The following TTC21B variants were observed in gnomAD, a reference collection of about 807,000 sequenced individuals.
TTC21B encodes tetratricopeptide repeat domain 21B.
Under a neutral mutation model 175.1 loss-of-function variants are expected in TTC21B, and 127 were observed. That is an observed-to-expected ratio of 0.73 (90% CI 0.63 to 0.84). The LOEUF is 0.84. Among genes scored for constraint, TTC21B ranks in the 40% least tolerant of loss-of-function variants. TTC21B has a pLI of 0.00. For synonymous variants in TTC21B, 524 were observed against 524.5 expected (o/e 1.00, Z 0.01); for missense variants, 1,561 against 1,558.3 (o/e 1.00, Z -0.03).
intron 26 of TTC21B, among the ~76,000 whole-genome samples, chr2:165,883,185 CA>C (rs199690780): frequency 0.018 from 2,756 of 151,902 alleles, 117 homozygotes; most frequent in Admixed American, 0.099. Context: ...TATTTCTCAA[CA>C]AAAAAATAAA....
intron 12 of TTC21B, among the ~76,000 whole-genome samples, chr2:165,923,123 A>T (rs894552205): frequency 6.6e-6 from 1 of 152,172 alleles, no homozygotes; most frequent in African/African-American, 2.4e-5. Flanking sequence ...AGAAAGCTTC[A>T]TATTGGGTAC....
In TTC21B at chr2:165,876,658, A is replaced by T. The variant is rs188132999; in HGVS notation, c.3806-426T>A. 3.3e-5 allele frequency among the ~76,000 whole-genome samples: 5 copies of T among 152,350 alleles called. No individual in the cohort carries two copies. In the East Asian group the frequency reaches 9.6e-4, roughly 29 times the overall value. On this transcript the variant is annotated intron_variant, in intron 27 of 28. Transcript: ENST00000243344. Reference sequence around the variant, plus strand: ...CCTACAGTTATGAGGTTTGCATTCTATTAGGAGAAAAAGTACATTTTAAAA... The same window carrying T: ...CCTACAGTTATGAGGTTTGCATTCTTTTAGGAGAAAAAGTACATTTTAAAA...
chr2:165,919,166 TAAA>T, intron 13 of TTC21B, 107 bp downstream of exon 13: 1 of 1,340,346 alleles, frequency 7.5e-7, no homozygotes, highest in Admixed American at 1.7e-5. Flanking sequence ...TTTTTTCCAT[TAAA>T]AATGCAACTG....
At chr2:165,880,846 A>T (rs760740399) in intron 26 of TTC21B, 47 bp from the exon 27 acceptor site, 1 of 1,589,956 alleles carries the variant, frequency 6.3e-7, no homozygotes, top group South Asian at 1.1e-5. Context: ...GATATCACTA[A>T]GATTTTATGG....
intron 23 of TTC21B, 89 bp downstream of exon 23, chr2:165,890,749 A>AT (rs988601422): frequency 3.4e-4 from 519 of 1,516,404 alleles, no homozygotes; most frequent in Middle Eastern, 1.0e-3. Context: ...TGAAATGTAC[A>AT]TTTTTTTTTA....
chr2:165,911,205 G>A (rs958886008), intron 18 of TTC21B, 122 bp downstream of exon 18: 25 of 1,178,712 alleles, frequency 2.1e-5, no homozygotes, highest in African/African-American at 4.7e-5. Context: ...GAAAAAATAC[G>A]CATGTATTTA....
At chr2:165,888,248 C>G (rs368772842) in intron 25 of TTC21B, 31 bp downstream of exon 25, 1 of 1,489,010 alleles carries the variant, frequency 6.7e-7, no homozygotes, top group Non-Finnish European at 9.4e-7. Flanking sequence ...ATAAAGATAC[C>G]ACATGAAGCT....
Position 165,890,972 on chromosome 2 carries a change from T to A in TTC21B, c.2967A>T (p.Leu989Phe). ...LERKPDNYMTLSRLIDLLRRC... is the reference protein window; with the variant it reads ...LERKPDNYMTFSRLIDLLRRC... ...TTCTTAGGAGATCAATCAAACGAGA[T>A]AATGTCATATAATTATCTAGAAACA... Residue 989 changes from leucine to phenylalanine, a missense_variant, in exon 23 of 29, where the codon TTA becomes TTT. Leu to Phe is a conservative substitution (Grantham distance 22, BLOSUM62 0). Transcript: ENST00000243344. The A allele has an allele frequency of 6.2e-7, 1 of 1,612,346 alleles. No homozygotes were observed. Among genetic ancestry groups the A allele is most frequent in the Non-Finnish European group, 8.5e-7 (1 of 1,178,594 alleles).
intron 12 of TTC21B, among the ~76,000 whole-genome samples, chr2:165,923,752 T>G (rs1686510969): frequency 1.4e-5 from 2 of 147,962 alleles, no homozygotes; most frequent in African/African-American, 2.5e-5. Flanking sequence ...GGTTTTTTTT[T>G]TTTTTTTTTT....
intron 21 of TTC21B, 62 bp from the exon 22 acceptor site, chr2:165,898,829 A>G (rs1287477815): frequency 1.9e-6 from 2 of 1,042,054 alleles, no homozygotes; most frequent in Admixed American, 3.4e-5. Flanking sequence ...ATGTTCTTCC[A>G]ATCAAGATTT....
intron 12 of TTC21B, among the ~76,000 whole-genome samples, chr2:165,920,864 A>T (rs1686378621): frequency 7.3e-6 from 1 of 137,802 alleles, no homozygotes; most frequent in Non-Finnish European, 1.6e-5. Context: ...GTCACCAGAG[A>T]TCAACACCAA....
At chr2:165,944,899 G>A (rs1000061560) in intron 4 of TTC21B, among the ~76,000 whole-genome samples, 6 of 152,124 alleles carry the variant, frequency 3.9e-5, no homozygotes, top group Admixed American at 1.3e-4. Context: ...TCAGGTTTTA[G>A]CTCAAATGCT....
In TTC21B at chr2:165,883,956, T is replaced by A. The variant is rs886218419; in HGVS notation, c.3522A>T (p.Pro1174=). Residue 1174 remains proline (P), a synonymous_variant, in exon 26 of 29, where the codon CCA becomes CCT. Transcript: ENST00000243344. The stretch of plus-strand genomic sequence containing the variant: ...TACGCTTCAGCTGGTTTCTGGCTCG[T>A]GGAGTCTGTTTCAAGATCATATAAG... ...ATAYMILKQT[P]RARNQLKRIA... The A allele has an allele frequency of 1.9e-6, 3 of 1,614,010 alleles. No individual in the cohort carries two copies. The highest frequency in any genetic ancestry group is 2.5e-6 in the Non-Finnish European group (3 of 1,180,016).
In TTC21B at chr2:165,935,051, G is replaced by A. The variant is rs190896744; in HGVS notation, c.711-1994C>T. ...TGGGCCTGGGCTTTTATGAAAAGTG[G>A]AATGACTTCTCTACATTATCTTTCC... is the stretch of plus-strand genomic sequence containing the variant. On this transcript the variant is annotated intron_variant, in intron 6 of 28. Coordinates refer to ENST00000243344, the MANE Select transcript of TTC21B (RefSeq NM_024753.5). Among the ~76,000 whole-genome samples the A allele has an allele frequency of 3.9e-5, 6 of 152,244 alleles. No individual in the cohort carries two copies. The East Asian group carries it at 1.2e-3, about 29-fold the overall frequency.
intron 19 of TTC21B, among the ~76,000 whole-genome samples, chr2:165,902,945 C>G (rs1685616376): frequency 6.6e-6 from 1 of 152,206 alleles, no homozygotes; most frequent in East Asian, 1.9e-4. Context: ...CCTAGCACCT[C>G]AGGGGTAAGG....
intron 13 of TTC21B, 36 bp from the exon 14 acceptor site, chr2:165,917,517 T>A: frequency 6.8e-7 from 1 of 1,479,820 alleles, no homozygotes; most frequent in Non-Finnish European, 9.4e-7. Flanking sequence ...TTGGAGTGCT[T>A]ACAACATCAA....
At position 165,929,881 on chromosome 2, in the gene TTC21B, GA is replaced by G. The variant is rs1431264296; in HGVS notation, c.1088-135del. On this transcript the variant is annotated intron_variant, in intron 9 of 28. Transcript: ENST00000243344. ...TTAACGTTTTAGATTAAAAACAACA[GA>G]AAGAAAGAAAATGAAGAGTGAAAGA... The G allele has an allele frequency of 1.8e-5, 13 of 729,046 alleles. No individual in the cohort carries two copies. In the East Asian group the frequency reaches 3.2e-4, roughly 18 times the overall value. The allele number at this position is 729,046 out of a possible 1,614,324, so 45.2% of individuals were successfully genotyped here.
At chr2:165,884,620 T>C (rs1354345087) in intron 25 of TTC21B, among the ~76,000 whole-genome samples, 2 of 152,184 alleles carry the variant, frequency 1.3e-5, no homozygotes, top group African/African-American at 4.8e-5. Context: ...AATAAACTCA[T>C]GCCTTAAAAT....
chr2:165,877,871 C>A (rs1684718140), intron 27 of TTC21B, among the ~76,000 whole-genome samples: 1 of 152,036 alleles, frequency 6.6e-6, no homozygotes, highest in Non-Finnish European at 1.5e-5. Flanking sequence ...AATGTCATTA[C>A]CAACAAATTC....
Sources: allele counts gnomAD v4.1 joint callset (sites outside exome capture counted in the v4.1 genomes callset), GRCh38; gene constraint gnomAD v4.1.1; transcripts MANE v1.5; gene names NCBI Gene and HGNC (gene_info 2026-07-23, HGNC 2026-07-21).